PACS2: variants seen among roughly 807,000 people sequenced by gnomAD.
PACS2 encodes PACS1-like protein.
PACS2 carries 36 observed loss-of-function variants against 113.0 expected under a neutral mutation model. That is an observed-to-expected ratio of 0.32 (90% CI 0.24 to 0.42). PACS2 has a LOEUF of 0.42. Among genes scored for constraint, PACS2 ranks in the 10% least tolerant of loss-of-function variants. The pLI is 1.00. For synonymous variants in PACS2, 589 were observed against 536.1 expected (o/e 1.10, Z -1.36); for missense variants, 1,015 against 1,239.5 (o/e 0.82, Z 2.72).
chr14:105,335,656 G>A (rs1314487056), intron 1 of PACS2, among the ~76,000 whole-genome samples: 4 of 152,194 alleles, frequency 2.6e-5, no homozygotes, highest in African/African-American at 7.2e-5. Context: ...GCACCTGGCT[G>A]AGCCTGTTCC....
chr14:105,312,891 C>T (rs996677661), upstream of PACS2, among the ~76,000 whole-genome samples: 2 of 152,198 alleles, frequency 1.3e-5, no homozygotes, highest in African/African-American at 4.8e-5. Context: ...ACCCACCATA[C>T]GGGTTCTTCG....
At chr14:105,301,528 G>T (rs779344645) in intron 1 of PACS2, among the ~76,000 whole-genome samples, 2 of 152,136 alleles carry the variant, frequency 1.3e-5, no homozygotes, top group Admixed American at 1.3e-4. Context: ...CAGGGCAGCT[G>T]CGCTGGGGGG....
Position 105,376,557 on chromosome 14 carries a change from T to C in PACS2, c.802-211T>C, listed in dbSNP as rs1220308191. 3.3e-5 allele frequency among the ~76,000 whole-genome samples: 5 copies of C among 152,086 alleles called. No homozygotes were observed. Among genetic ancestry groups the C allele is most frequent in the Non-Finnish European group, 5.9e-5 (4 of 67,990 alleles). ...CACCAGCCCAGGGGAGGTGGAGGAATGCCACACGCACCGGTACCTGGGGAC... is the reference window on the plus strand; with the variant it reads ...CACCAGCCCAGGGGAGGTGGAGGAACGCCACACGCACCGGTACCTGGGGAC... On this transcript the variant is annotated intron_variant, in intron 8 of 24. Transcript: ENST00000447393. This position sits in a 1 kb window ranked among gnomAD's most constrained non-coding sequence, Gnocchi z 4.7.
chr14:105,330,645 G>A lies in PACS2; in HGVS notation c.119+15608G>A, dbSNP rs931915399. 1.3e-5 allele frequency among the ~76,000 whole-genome samples: 2 copies of A among 152,220 alleles called. No homozygotes were observed. Among genetic ancestry groups the A allele is most frequent in the Non-Finnish European group, 2.9e-5 (2 of 68,026 alleles). Reference sequence around the variant, plus strand: ...GACCCCTCGCCCCTGTCTCCACGGAGCACCGTGGGACTCTGGCATCAGAAT... The same window carrying A: ...GACCCCTCGCCCCTGTCTCCACGGAACACCGTGGGACTCTGGCATCAGAAT... On this transcript the variant is annotated intron_variant, in intron 1 of 24. Coordinates refer to ENST00000447393, the MANE Select transcript of PACS2 (RefSeq NM_001100913.3). The surrounding 1 kb of genome is among the most constrained non-coding windows in gnomAD (Gnocchi z 6.9).
intron 1 of PACS2, among the ~76,000 whole-genome samples, chr14:105,337,408 A>G (rs2059569691): frequency 6.6e-6 from 1 of 152,262 alleles, no homozygotes; most frequent in South Asian, 2.1e-4. Context: ...ACTGACCTGC[A>G]CACTGAAAAA....
rs1566980980 is a variant in PACS2, at chr14:105,398,116, G to C, written c.*3444G>C. The C allele has an allele frequency of 6.6e-6, 1 of 152,226 alleles. No individual in the cohort carries two copies. The highest frequency in any genetic ancestry group is 1.5e-5 in the Non-Finnish European group (1 of 68,028). The allele number at this position is 152,226 out of a possible 1,614,324, so 9.4% of individuals were successfully genotyped here. On this transcript the variant is annotated 3_prime_UTR_variant, in exon 25 of 25. Coordinates refer to ENST00000447393, the MANE Select transcript of PACS2 (RefSeq NM_001100913.3). The stretch of plus-strand genomic sequence containing the variant: ...ACCGTGTGGACTATTTCAAGGTGCT[G>C]ATGCAACACTAATAAACCTGGAGGG...
At chr14:105,379,596 A>C in intron 9 of PACS2, 143 bp from the exon 10 acceptor site, 1 of 669,182 alleles carries the variant, frequency 1.5e-6, no homozygotes, top group Non-Finnish European at 2.7e-6. Flanking sequence ...GTGTGCGCTG[A>C]CACGGGCTCT....
chr14:105,386,789 G>T (rs1292796042), intron 19 of PACS2, among the ~76,000 whole-genome samples: 1 of 152,144 alleles, frequency 6.6e-6, no homozygotes, highest in Non-Finnish European at 1.5e-5. Context: ...GACACAGGAA[G>T]GGGGCTGAAC....
Position 105,382,050 on chromosome 14 carries a change from C to T in PACS2, c.1405C>T (p.Gln469Ter). Residue 469 changes from glutamine to a stop codon, truncating the protein, a stop_gained, in exon 13 of 25, where the codon CAG becomes TAG. Transcript: ENST00000447393. LOFTEE classifies it high-confidence loss of function. ...CPDARSQLQV[Q>*]LQIPRKTVYD... ...GGACGCCCGGAGCCAGCTACAGGTGCAGCTGCAGGTGGGGGTGGAGGGCGT... is the reference window on the plus strand; with the variant it reads ...GGACGCCCGGAGCCAGCTACAGGTGTAGCTGCAGGTGGGGGTGGAGGGCGT... The T allele has an allele frequency of 6.5e-7, 1 of 1,544,224 alleles. No individual in the cohort carries two copies. The highest frequency in any genetic ancestry group is 8.7e-7 in the Non-Finnish European group (1 of 1,146,600).
intron 1 of PACS2, among the ~76,000 whole-genome samples, chr14:105,335,498 A>G (rs753169436): frequency 6.6e-5 from 10 of 152,192 alleles, no homozygotes; most frequent in Non-Finnish European, 1.5e-4. Flanking sequence ...CTCCGGCACC[A>G]TCAGTTCCTT....
chr14:105,343,757 G>A (rs1018842074), intron 1 of PACS2, among the ~76,000 whole-genome samples: 13 of 150,680 alleles, frequency 8.6e-5, no homozygotes, highest in African/African-American at 2.5e-4. Context: ...GTGCAGTGGC[G>A]CGACCTCAGC....
chr14:105,312,544 T>C (rs1156522736), upstream of PACS2, among the ~76,000 whole-genome samples: 3 of 152,002 alleles, frequency 2.0e-5, no homozygotes, highest in Non-Finnish European at 2.9e-5. Flanking sequence ...GCACCTGTGC[T>C]CCAAACACGG....
Position 105,348,717 on chromosome 14 carries a change from G to A in PACS2, c.207+137G>A, listed in dbSNP as rs118171678. Reference sequence around the variant, plus strand: ...CAGCCCATGCCATCTCCGGGAGCCCGGGGGGCTGGGAATGACAGGATGCTC... The same window carrying A: ...CAGCCCATGCCATCTCCGGGAGCCCAGGGGGCTGGGAATGACAGGATGCTC... On this transcript the variant is annotated intron_variant, in intron 2 of 24. Transcript: ENST00000447393. This position sits in a 1 kb window ranked among gnomAD's most constrained non-coding sequence, Gnocchi z 6.4. 0.022 allele frequency: 14,621 copies of A among 679,832 alleles called. 219 individuals carry two copies. Among genetic ancestry groups the A allele is most frequent in the Non-Finnish European group, 0.03 (11,439 of 381,604 alleles). 42.1% of individuals were successfully genotyped at this position (679,832 alleles called of 1,614,324 possible).
intron 2 of PACS2, among the ~76,000 whole-genome samples, chr14:105,351,213 A>G (rs28656275): frequency 0.047 from 7,126 of 152,272 alleles, 590 homozygotes; most frequent in African/African-American, 0.16. Flanking sequence ...CCCCAAGCTC[A>G]TCCTTGTTGG....
intron 1 of PACS2, among the ~76,000 whole-genome samples, chr14:105,321,968 C>G (rs1216018391): frequency 1.3e-5 from 2 of 150,840 alleles, no homozygotes; most frequent in Non-Finnish European, 2.9e-5. Context: ...GAGACAGAGT[C>G]TCGCTGTGTC....
At chr14:105,313,319 C>T (rs2140721402), upstream of PACS2, among the ~76,000 whole-genome samples, 1 of 152,324 alleles carries the variant, frequency 6.6e-6, no homozygotes, top group East Asian at 1.9e-4. Context: ...ATGGCTACCC[C>T]CTCTCTGGAC....
chr14:105,344,620 C>T (rs1193811115), intron 1 of PACS2, among the ~76,000 whole-genome samples: 1 of 152,142 alleles, frequency 6.6e-6, no homozygotes, highest in Non-Finnish European at 1.5e-5. Context: ...CCTTCTTTTA[C>T]TTCTGATAAT....
At chr14:105,393,382 A>AG (rs782506824) in intron 24 of PACS2, 47 bp downstream of exon 24, 6 of 1,331,038 alleles carry the variant, frequency 4.5e-6, no homozygotes, top group Non-Finnish European at 5.3e-6. Flanking sequence ...CGTAGGTGAG[A>AG]GCACAGCAAG....
intron 9 of PACS2, among the ~76,000 whole-genome samples, chr14:105,377,999 G>A (rs1047393483): frequency 2.6e-5 from 4 of 152,220 alleles, no homozygotes; most frequent in African/African-American, 2.4e-5. Flanking sequence ...CCTGGTGGCC[G>A]TTGGTCATTC....
Sources: gnomAD v4.1 joint callset for allele counts (sites outside exome capture counted in the v4.1 genomes callset) on GRCh38, gnomAD v4.1.1 for gene constraint, Gnocchi (gnomAD v3.1) non-coding constraint, MANE v1.5 for transcripts, NCBI Gene and HGNC (gene_info 2026-07-23, HGNC 2026-07-21) for gene names.